SPPL2B: variants seen among roughly 807,000 people sequenced by gnomAD.
The protein encoded by SPPL2B is signal peptide peptidase like 2B.
A neutral mutation model predicts 59.7 loss-of-function variants in SPPL2B; 39 were observed. That is an observed-to-expected ratio of 0.65 (90% CI 0.51 to 0.85). The LOEUF (loss-of-function observed/expected upper bound fraction) is 0.85, where lower values mean the gene tolerates loss of function less well. SPPL2B is among the 40% of genes least tolerant of loss of function. The pLI, the probability that SPPL2B is intolerant of heterozygous loss-of-function variation, is 0.00. For missense variants in SPPL2B, 865 were observed against 849.0 expected (o/e 1.02, Z -0.23); for synonymous variants, 419 against 370.8 (o/e 1.13, Z -1.49).
chr19:2,348,055 G>C, intron 13 of SPPL2B, among the ~76,000 whole-genome samples: 1 of 82,094 alleles, frequency 1.2e-5, no homozygotes, highest in Admixed American at 1.3e-4. Flanking sequence ...GCTCTCATTC[G>C]CTTGATTCCA....
At chr19:2,340,807 A>C (rs1968982990) in intron 7 of SPPL2B, 91 bp from the exon 8 acceptor site, 2 of 703,976 alleles carry the variant, frequency 2.8e-6, no homozygotes, top group Non-Finnish European at 4.8e-6. Flanking sequence ...GCCACTCTGC[A>C]GGGGGTGCCT....
intron 13 of SPPL2B, among the ~76,000 whole-genome samples, chr19:2,350,488 C>T (rs754882733): frequency 4.6e-5 from 7 of 151,340 alleles, no homozygotes; most frequent in Middle Eastern, 3.4e-3. Context: ...CGCTTTCATT[C>T]GCTTGATTCC....
intron 12 of SPPL2B, 145 bp downstream of exon 12, chr19:2,344,797 G>A: frequency 1.5e-6 from 1 of 660,082 alleles, no homozygotes; most frequent in Non-Finnish European, 2.7e-6. Context: ...TGGGGCCGTT[G>A]AGGCCTGGGT....
In SPPL2B at chr19:2,354,551, G is replaced by A. The variant is rs1486502562; in HGVS notation, c.*1342G>A. 6.6e-6 allele frequency: 1 copy of A among 152,248 alleles called. No homozygotes were observed. Among genetic ancestry groups the A allele is most frequent in the Non-Finnish European group, 1.5e-5 (1 of 68,082 alleles). 9.4% of individuals were successfully genotyped at this position (152,248 alleles called of 1,614,324 possible). ...GGACTGCTGAGCGCTGCGCTCTCACGGGTCTGTTCCGGACAGAGGGTGGCA... is the reference window on the plus strand; with the variant it reads ...GGACTGCTGAGCGCTGCGCTCTCACAGGTCTGTTCCGGACAGAGGGTGGCA... On this transcript the variant is annotated 3_prime_UTR_variant, in exon 15 of 15. Coordinates refer to ENST00000613503, the MANE Select transcript of SPPL2B (RefSeq NM_152988.3).
intron 9 of SPPL2B, 130 bp downstream of exon 9, chr19:2,343,422 A>C (rs1245117014): frequency 1.3e-6 from 1 of 792,390 alleles, no homozygotes; most frequent in Admixed American, 2.2e-5. Flanking sequence ...ATGGCCGCCT[A>C]GGCCTGTTGT....
chr19:2,339,342 T>A, intron 5 of SPPL2B, 134 bp downstream of exon 5: 1 of 1,060,332 alleles, frequency 9.4e-7, no homozygotes, highest in Non-Finnish European at 1.3e-6. Flanking sequence ...GCCCTTCGTT[T>A]CTTCCTCAGG....
intron 13 of SPPL2B, among the ~76,000 whole-genome samples, chr19:2,349,741 C>G (rs1210758287): frequency 6.9e-6 from 1 of 145,466 alleles, no homozygotes; most frequent in Non-Finnish European, 1.5e-5. Flanking sequence ...TCCGTTCTCT[C>G]TCTCCACACA....
At chr19:2,342,876 T>A (rs1280805949) in intron 8 of SPPL2B, 4 of 284,984 alleles carry the variant, frequency 1.4e-5, no homozygotes, top group Non-Finnish European at 2.8e-5. Flanking sequence ...CAGGCCCGTG[T>A]CCACCGTCCT....
intron 4 of SPPL2B, 87 bp from the exon 5 acceptor site, chr19:2,338,982 G>A (rs976852019): frequency 2.3e-5 from 35 of 1,506,330 alleles, no homozygotes; most frequent in Non-Finnish European, 2.9e-5. Context: ...AGGGTCTCCA[G>A]CCCCAGCCCC....
chr19:2,347,369 CT>C (rs1327248615), intron 13 of SPPL2B, among the ~76,000 whole-genome samples: 1 of 31,894 alleles, frequency 3.1e-5, no homozygotes, highest in Non-Finnish European at 7.2e-5. Flanking sequence ...CACACACACT[CT>C]CATTCGCCTG....
Position 2,334,645 on chromosome 19 carries a change from G to A in SPPL2B, c.110G>A (p.Gly37Glu). Residue 37 changes from glycine (G) to glutamate (E), a missense_variant, in exon 2 of 15, where the codon GGG becomes GAG. Coordinates refer to ENST00000613503, the MANE Select transcript of SPPL2B (RefSeq NM_152988.3). ...ATGGTGCACGTGGTCTCCCAGGCCG[G>A]GGGCCCCGAAGGCAAAGACTACTGC... ...YGMVHVVSQA[G>E]GPEGKDYCIL... 6.2e-7 allele frequency: 1 copy of A among 1,613,148 alleles called. No individual in the cohort carries two copies. The highest frequency in any genetic ancestry group is 8.5e-7 in the Non-Finnish European group (1 of 1,179,558).
At position 2,343,988 on chromosome 19, in the gene SPPL2B, G is replaced by C; in HGVS notation, c.1062G>C (p.Val354=). ...AGGCCTGCACGCTGCTGCTGCTGGT[G>C]CTGTTCCTCTACGACATCTTCTTCG... ...TFKACTLLLL[V]LFLYDIFFVF... Residue 354 remains valine, a synonymous_variant, in exon 10 of 15, where the codon GTG becomes GTC. Coordinates refer to ENST00000613503, the MANE Select transcript of SPPL2B (RefSeq NM_152988.3). 6.5e-7 allele frequency: 1 copy of C among 1,548,466 alleles called. No homozygotes were observed. Among genetic ancestry groups the C allele is most frequent in the Non-Finnish European group, 8.7e-7 (1 of 1,146,704 alleles).
chr19:2,328,842 A>G (rs892935427), intron 1 of SPPL2B, 67 bp downstream of exon 1: 1 of 1,260,862 alleles, frequency 7.9e-7, no homozygotes, highest in East Asian at 3.2e-5. Flanking sequence ...TCCCCGGGCT[A>G]CGCGCAGGAA....
At chr19:2,331,132 G>A (rs1306706022) in intron 1 of SPPL2B, among the ~76,000 whole-genome samples, 2 of 152,202 alleles carry the variant, frequency 1.3e-5, no homozygotes, top group African/African-American at 4.8e-5. Flanking sequence ...CACGGAGCCC[G>A]CTCCTCAGCA....
chr19:2,335,005 TGGGCCCAGACAGAG>T (rs1235071553), intron 2 of SPPL2B, among the ~76,000 whole-genome samples: 1 of 152,102 alleles, frequency 6.6e-6, no homozygotes, highest in East Asian at 1.9e-4. Context: ...CCCTATCCAG[TGGGCCCAGACAGAG>T]GGGTCCTCAG....
intron 5 of SPPL2B, among the ~76,000 whole-genome samples, chr19:2,339,426 G>A (rs1039177587): frequency 6.6e-6 from 1 of 152,212 alleles, no homozygotes; most frequent in African/African-American, 2.4e-5. Context: ...GTAGGGCTGG[G>A]CAGGTGTGGA....
intron 8 of SPPL2B, 131 bp from the exon 9 acceptor site, chr19:2,343,080 C>A: frequency 4.2e-6 from 3 of 717,808 alleles, no homozygotes; most frequent in Non-Finnish European, 4.9e-6. Flanking sequence ...CAGAGTCATC[C>A]CCTGGGCAGG....
rs1390257346 is a variant in SPPL2B at position 2,353,415 on chromosome 19, T to TG, written c.*207dup. The TG allele has an allele frequency of 1.6e-6, 1 of 618,154 alleles. No individual in the cohort carries two copies. The highest frequency in any genetic ancestry group is 2.7e-6 in the Non-Finnish European group (1 of 367,614). 38.3% of individuals were successfully genotyped at this position (618,154 alleles called of 1,614,324 possible). ...CCAGCTGCCCCGGCTGCACGCCTGC[T>TG]GCTCCCAGCTCGCCCGGCTGCCACA... is the stretch of plus-strand genomic sequence containing the variant. On this transcript the variant is annotated 3_prime_UTR_variant, in exon 15 of 15. Transcript: ENST00000613503.
rs937719267 is a variant in SPPL2B at position 2,332,125 on chromosome 19, A to G, written c.67-2477A>G. 3.9e-5 allele frequency among the ~76,000 whole-genome samples: 6 copies of G among 152,070 alleles called. No homozygotes were observed. The highest frequency in any genetic ancestry group is 3.3e-4 in the Admixed American group (5 of 15,272). Reference sequence around the variant, plus strand: ...TGGGCTCTGGGGGAGGTCACATGGGAGGTGCTTGGAGTGGGGCTGGGGCAG... The same window carrying G: ...TGGGCTCTGGGGGAGGTCACATGGGGGGTGCTTGGAGTGGGGCTGGGGCAG... On this transcript the variant is annotated intron_variant, in intron 1 of 14. Transcript: ENST00000613503. This position sits in a 1 kb window ranked among gnomAD's most constrained non-coding sequence, Gnocchi z 4.6.
Sources: gnomAD v4.1 joint callset for allele counts (sites outside exome capture counted in the v4.1 genomes callset) on GRCh38, gnomAD v4.1.1 for gene constraint, Gnocchi (gnomAD v3.1) non-coding constraint, MANE v1.5 for transcripts, NCBI Gene and HGNC (gene_info 2026-07-23, HGNC 2026-07-21) for gene names.